The following IL1RAPL1 variants were observed in gnomAD, a reference collection of about 807,000 sequenced individuals.
The protein encoded by IL1RAPL1 is interleukin 1 receptor accessory protein like 1.
A neutral mutation model predicts 48.4 loss-of-function variants in IL1RAPL1; 3 were observed. That is an observed-to-expected ratio of 0.06 (90% CI 0.03 to 0.16). The LOEUF (loss-of-function observed/expected upper bound fraction) is 0.16. Ranked by LOEUF, IL1RAPL1 falls within the 10% of genes least tolerant of loss-of-function variation. The pLI is 1.00. For synonymous variants in IL1RAPL1, 185 were observed against 187.7 expected (o/e 0.99, Z 0.12); for missense variants, 349 against 530.6 (o/e 0.66, Z 3.36).
intron 6 of IL1RAPL1, among the ~76,000 whole-genome samples, chrX:29,723,233 C>T (rs775899866): frequency 8.9e-5 from 10 of 111,765 alleles, no homozygotes; most frequent in Non-Finnish European, 1.7e-4. Flanking sequence ...TTACATATAA[C>T]TCTGCATGTT....
Position 29,882,576 on chromosome X carries a change from A to C in IL1RAPL1, c.779-34888A>C, listed in dbSNP as rs893960184. The stretch of plus-strand genomic sequence containing the variant: ...AATATAGTGTCTTTCACAACTACTC[A>C]ACTGTGCCTTTATAGTATAAAGGTG... On this transcript the variant is annotated intron_variant, in intron 6 of 10. Transcript: ENST00000378993. Among the ~76,000 whole-genome samples the C allele has an allele frequency of 3.6e-5, 4 of 111,485 alleles. No homozygotes were observed. In the Admixed American group the frequency reaches 3.8e-4, roughly 11 times the overall value.
At chrX:28,741,363 T>C (rs1172652463) in intron 1 of IL1RAPL1, among the ~76,000 whole-genome samples, 2 of 111,820 alleles carry the variant, frequency 1.8e-5, no homozygotes, top group Non-Finnish European at 3.8e-5. Context: ...TCTGTTCATA[T>C]CCTTTGCCCA....
chrX:29,360,544 T>C (rs1450699897), intron 3 of IL1RAPL1, among the ~76,000 whole-genome samples: 6 of 112,207 alleles, frequency 5.3e-5, no homozygotes. Flanking sequence ...AACTCACACA[T>C]TTCACTCTTT....
chrX:28,659,625 T>A (rs1171381943), intron 1 of IL1RAPL1, among the ~76,000 whole-genome samples: 4 of 111,611 alleles, frequency 3.6e-5, no homozygotes, highest in African/African-American at 1.3e-4. Context: ...ACACAATTGC[T>A]CCAATTAGTT....
intron 2 of IL1RAPL1, among the ~76,000 whole-genome samples, chrX:28,812,780 T>TATG (rs1307458005): frequency 9.0e-6 from 1 of 111,012 alleles, no homozygotes; most frequent in African/African-American, 3.3e-5. Context: ...GGTAATACTA[T>TATG]ACATATAGTG....
At chrX:29,377,347 G>A (rs751104807) in intron 3 of IL1RAPL1, among the ~76,000 whole-genome samples, 1 of 111,883 alleles carries the variant, frequency 8.9e-6, no homozygotes, top group Non-Finnish European at 1.9e-5. Flanking sequence ...GGGACATGTA[G>A]CCTATTTACA....
chrX:29,593,894 T>C (rs1238431633), intron 5 of IL1RAPL1, among the ~76,000 whole-genome samples: 1 of 112,269 alleles, frequency 8.9e-6, no homozygotes, highest in Non-Finnish European at 1.9e-5. Context: ...ATGTGTCTTT[T>C]CTTGGCCCTC....
chrX:29,454,548 C>T (rs1934716559), intron 5 of IL1RAPL1, among the ~76,000 whole-genome samples: 1 of 111,158 alleles, frequency 9.0e-6, no homozygotes, highest in Non-Finnish European at 1.9e-5. Context: ...CAAAACTAAG[C>T]AGACAAGCAA....
chrX:29,774,728 G>C (rs936270745), intron 6 of IL1RAPL1, among the ~76,000 whole-genome samples: 1 of 111,716 alleles, frequency 9.0e-6, no homozygotes, highest in African/African-American at 3.2e-5. Context: ...TGTTTGTGTC[G>C]AGAAGACACA....
At chrX:28,615,860 C>T (rs948824575) in intron 1 of IL1RAPL1, among the ~76,000 whole-genome samples, 35 of 111,947 alleles carry the variant, frequency 3.1e-4, no homozygotes, top group African/African-American at 1.1e-3. Flanking sequence ...GTAATAGAAA[C>T]TTGACTGGGA....
At chrX:29,805,846 A>G (rs1930243130) in intron 6 of IL1RAPL1, among the ~76,000 whole-genome samples, 1 of 110,606 alleles carries the variant, frequency 9.0e-6, no homozygotes, top group Non-Finnish European at 1.9e-5. Flanking sequence ...GCGATATAAA[A>G]GCTGCATTGA....
intron 2 of IL1RAPL1, among the ~76,000 whole-genome samples, chrX:29,032,997 TATGAGA>T (rs1366418941): frequency 1.8e-5 from 2 of 112,548 alleles, no homozygotes; most frequent in Non-Finnish European, 3.7e-5. Flanking sequence ...CATTAGGTCG[TATGAGA>T]ATAAAATGTA....
intron 1 of IL1RAPL1, among the ~76,000 whole-genome samples, chrX:28,761,391 CTG>C (rs1484619142): frequency 8.9e-6 from 1 of 111,923 alleles, no homozygotes; most frequent in African/African-American, 3.3e-5. Flanking sequence ...TACATATACA[CTG>C]TGGAATACTA....
intron 2 of IL1RAPL1, among the ~76,000 whole-genome samples, chrX:28,814,341 TTG>T (rs753090480): frequency 0.057 from 5,116 of 89,424 alleles, 135 homozygotes; most frequent in African/African-American, 0.11. Flanking sequence ...ATTTTCAGGT[TTG>T]TGTGTGTGTG....
chrX:29,841,765 G>A (rs1488828556), intron 6 of IL1RAPL1, among the ~76,000 whole-genome samples: 1 of 111,772 alleles, frequency 8.9e-6, no homozygotes, highest in Non-Finnish European at 1.9e-5. Flanking sequence ...GCTTCACATA[G>A]AAGGAGCTGA....
intron 5 of IL1RAPL1, among the ~76,000 whole-genome samples, chrX:29,471,173 G>A (rs1176413245): frequency 9.0e-6 from 1 of 110,739 alleles, no homozygotes; most frequent in Non-Finnish European, 1.9e-5. Flanking sequence ...CAAAGGAGGG[G>A]GTGGGGGAAC....
At chrX:28,845,125 A>T (rs957662043) in intron 2 of IL1RAPL1, among the ~76,000 whole-genome samples, 1 of 111,773 alleles carries the variant, frequency 8.9e-6, no homozygotes, top group African/African-American at 3.2e-5. Flanking sequence ...ACGATTTGTC[A>T]TGTTATTATA....
chrX:28,798,310 T>C (rs1936637171), intron 2 of IL1RAPL1, among the ~76,000 whole-genome samples: 2 of 111,867 alleles, frequency 1.8e-5, no homozygotes, highest in South Asian at 7.5e-4. Flanking sequence ...TTAGGGACAC[T>C]GGTGTATCAG....
chrX:28,717,843 G>T (rs1935522349), intron 1 of IL1RAPL1, among the ~76,000 whole-genome samples: 1 of 110,546 alleles, frequency 9.0e-6, no homozygotes, highest in Admixed American at 9.7e-5. Context: ...TGATCCTTAA[G>T]ACTCCCAGGA....
Sources: gnomAD v4.1 joint callset for allele counts (sites outside exome capture counted in the v4.1 genomes callset) on GRCh38, gnomAD v4.1.1 for gene constraint, MANE v1.5 for transcripts, NCBI Gene and HGNC (gene_info 2026-07-23, HGNC 2026-07-21) for gene names.